The following EFCAB6 variants were observed in gnomAD, a reference collection of about 807,000 sequenced individuals.
EFCAB6 encodes EF-hand calcium binding domain 6, also known as EF-hand calcium-binding domain-containing protein 6.
In EFCAB6, 156 loss-of-function variants were observed where a neutral mutation model predicts 169.8. The observed-to-expected ratio is 0.92, with a 90% confidence interval of 0.81 to 1.05. The LOEUF (loss-of-function observed/expected upper bound fraction) is 1.05, where lower values mean the gene tolerates loss of function less well. EFCAB6 is among the 50% of genes least tolerant of loss of function. The pLI is 0.00. For synonymous variants in EFCAB6, 698 were observed against 676.4 expected, an observed-to-expected ratio of 1.03 and a Z score of -0.50; for missense variants, 1,800 against 1,829.1, an observed-to-expected ratio of 0.98 and a Z score of 0.29.
intron 24 of EFCAB6, among the ~76,000 whole-genome samples, chr22:43,581,410 A>T (rs186640099): frequency 6.6e-6 from 1 of 152,266 alleles, no homozygotes; most frequent in African/African-American, 2.4e-5. Flanking sequence ...CTCAGCAAGG[A>T]CATCCCTATG....
At chr22:43,554,695 T>G in intron 27 of EFCAB6, 174 bp downstream of exon 27, 1 of 625,458 alleles carries the variant, frequency 1.6e-6, no homozygotes, top group Non-Finnish European at 2.8e-6. Flanking sequence ...AATTTATAGT[T>G]GTTACATAAA....
intron 8 of EFCAB6, among the ~76,000 whole-genome samples, chr22:43,717,635 T>C (rs2059380083): frequency 6.6e-6 from 1 of 152,080 alleles, no homozygotes; most frequent in African/African-American, 2.4e-5. Context: ...TAAAACAAAT[T>C]AACATTTTTT....
chr22:43,797,104 G>C (rs1489665720), intron 2 of EFCAB6: 1 of 153,034 alleles, frequency 6.5e-6, no homozygotes, highest in Non-Finnish European at 1.5e-5. Flanking sequence ...ACACAAACCA[G>C]ATAGAAGTGG....
At chr22:43,714,354 G>A (rs899738011) in intron 9 of EFCAB6, among the ~76,000 whole-genome samples, 2 of 152,098 alleles carry the variant, frequency 1.3e-5, no homozygotes, top group Middle Eastern at 3.4e-3. Context: ...AGGAGGAAGG[G>A]AGAGAGAGGA....
intron 2 of EFCAB6, among the ~76,000 whole-genome samples, chr22:43,788,022 C>T (rs1603375058): frequency 1.3e-5 from 2 of 152,222 alleles, no homozygotes; most frequent in South Asian, 2.1e-4. Context: ...GTCTTTTCAA[C>T]GAACAGCGCC....
At chr22:43,564,836 T>G (rs2049319581) in intron 26 of EFCAB6, among the ~76,000 whole-genome samples, 1 of 152,238 alleles carries the variant, frequency 6.6e-6, no homozygotes, top group Non-Finnish European at 1.5e-5. Context: ...AATTGTATCC[T>G]GAACGACTTC....
intron 10 of EFCAB6, among the ~76,000 whole-genome samples, chr22:43,704,717 G>A (rs1032046524): frequency 2.0e-5 from 3 of 152,084 alleles, no homozygotes; most frequent in East Asian, 1.9e-4. Context: ...AAATTTCTAC[G>A]CAAGCCTCAT....
intron 8 of EFCAB6, among the ~76,000 whole-genome samples, chr22:43,728,305 C>G (rs1267066028): frequency 6.6e-6 from 1 of 152,194 alleles, no homozygotes; most frequent in Non-Finnish European, 1.5e-5. Flanking sequence ...TTTATCCAGT[C>G]TATCATTTAT....
At chr22:43,589,454 G>A (rs8138190) in intron 24 of EFCAB6, among the ~76,000 whole-genome samples, 30,832 of 151,976 alleles carry the variant, frequency 0.2, 3,326 homozygotes, top group Middle Eastern at 0.28. Context: ...GTAGAACTAC[G>A]TGATTCCTGC....
At chr22:43,759,042 G>A (rs544222170) in intron 5 of EFCAB6, among the ~76,000 whole-genome samples, 3 of 152,208 alleles carry the variant, frequency 2.0e-5, no homozygotes, top group Non-Finnish European at 4.4e-5. Flanking sequence ...GACCAGCATG[G>A]TGAAACCCTG....
chr22:43,540,966 G>T (rs1170178565), intron 27 of EFCAB6, among the ~76,000 whole-genome samples: 1 of 129,262 alleles, frequency 7.7e-6, no homozygotes, highest in African/African-American at 3.0e-5. Flanking sequence ...ACACCATGAA[G>T]ATAGAAAAAA....
rs2048611140 is a variant in EFCAB6 at position 43,554,905 on chromosome 22, A to G, written c.3612T>C (p.Ile1204=). 6.2e-7 allele frequency: 1 copy of G among 1,614,042 alleles called. No homozygotes were observed. Among genetic ancestry groups the G allele is most frequent in the Admixed American group, 1.7e-5 (1 of 60,000 alleles). The change falls in exon 27 of 32, where the codon ATT becomes ATC. Residue 1204 remains isoleucine, a synonymous_variant. Transcript: ENST00000262726. The part of the protein sequence containing the change: ...NTISREEFRA[I]CNRRVQILTD... ...TCAGGATTTGGACGCGGCGATTACA[A>G]ATGGCCCTAAACTCCTCTCTGGAGA...
At chr22:43,653,953 T>G (rs1342371188) in intron 17 of EFCAB6, among the ~76,000 whole-genome samples, 2 of 151,786 alleles carry the variant, frequency 1.3e-5, no homozygotes, top group African/African-American at 2.4e-5. Context: ...AAAGTAAAAA[T>G]CAGTGAAGTA....
chr22:43,675,492 A>T (rs555814476), intron 13 of EFCAB6, among the ~76,000 whole-genome samples: 1 of 141,306 alleles, frequency 7.1e-6, no homozygotes, highest in African/African-American at 2.6e-5. Context: ...AATATTATAT[A>T]ATATAGGATT....
intron 7 of EFCAB6, among the ~76,000 whole-genome samples, chr22:43,732,037 A>G (rs1020956311): frequency 1.3e-5 from 2 of 152,192 alleles, no homozygotes; most frequent in African/African-American, 4.8e-5. Context: ...CATAGAAATT[A>G]GAGTGAGACA....
chr22:43,766,753 G>A (rs985301113), intron 4 of EFCAB6, among the ~76,000 whole-genome samples: 3 of 152,096 alleles, frequency 2.0e-5, no homozygotes, highest in Non-Finnish European at 4.4e-5. Flanking sequence ...GACCTCAAGC[G>A]ATCCACCCAC....
At chr22:43,791,895 T>G (rs1452035675) in intron 2 of EFCAB6, among the ~76,000 whole-genome samples, 1 of 152,168 alleles carries the variant, frequency 6.6e-6, no homozygotes, top group East Asian at 1.9e-4. Flanking sequence ...TGAACACTCA[T>G]GACGGCAACC....
chr22:43,547,188 C>T (rs988559191), intron 27 of EFCAB6, among the ~76,000 whole-genome samples: 1 of 152,130 alleles, frequency 6.6e-6, no homozygotes, highest in African/African-American at 2.4e-5. Context: ...GTTAGGGCAA[C>T]TCAATGTCAT....
At chr22:43,570,655 G>A (rs901048040) in intron 26 of EFCAB6, among the ~76,000 whole-genome samples, 1 of 151,558 alleles carries the variant, frequency 6.6e-6, no homozygotes, top group Non-Finnish European at 1.5e-5. Flanking sequence ...CAAGCCACTG[G>A]GTAGCATTTT....
Sources: allele counts gnomAD v4.1 joint callset (sites outside exome capture counted in the v4.1 genomes callset), GRCh38; gene constraint gnomAD v4.1.1; transcripts MANE v1.5; gene names NCBI Gene and HGNC (gene_info 2026-07-23, HGNC 2026-07-21).